The following MYO5C variants were observed in gnomAD, a reference collection of about 807,000 sequenced individuals.
MYO5C encodes the protein myosin VC, also known as unconventional myosin-Vc.
MYO5C carries 194 observed loss-of-function variants against 235.7 expected under a neutral mutation model. The observed-to-expected ratio is 0.82, with a 90% CI of 0.73 to 0.93. MYO5C has a LOEUF of 0.93. Ranked by LOEUF, MYO5C falls within the 40% of genes least tolerant of loss-of-function variation. The pLI, the probability that MYO5C is intolerant of heterozygous loss-of-function variation, is 0.00. For synonymous variants in MYO5C, 707 were observed against 754.8 expected (o/e 0.94, Z 1.04); for missense variants, 2,038 against 2,127.2 (o/e 0.96, Z 0.82).
intron 1 of MYO5C, among the ~76,000 whole-genome samples, chr15:52,283,690 T>C (rs764652414): frequency 2.0e-5 from 3 of 152,152 alleles, no homozygotes; most frequent in Non-Finnish European, 4.4e-5. Context: ...TTTTTTTTTT[T>C]TTGAGATGGA....
chr15:52,239,242 C>T (rs149290740), intron 21 of MYO5C, among the ~76,000 whole-genome samples: 2,543 of 152,332 alleles, frequency 0.017, 30 homozygotes, highest in Non-Finnish European at 0.024. Context: ...TCAGCCACCA[C>T]GCCCGGCCTT....
At chr15:52,291,545 T>G (rs1258903017) in intron 1 of MYO5C, among the ~76,000 whole-genome samples, 2 of 151,924 alleles carry the variant, frequency 1.3e-5, no homozygotes. Flanking sequence ...ATGTCAGACT[T>G]TCCCTTTCCC....
intron 3 of MYO5C, 38 bp from the exon 4 acceptor site, chr15:52,279,055 C>G: frequency 6.4e-7 from 1 of 1,566,456 alleles, no homozygotes; most frequent in Admixed American, 1.9e-5. Context: ...AATACTCTTA[C>G]TGCCACCTGC....
chr15:52,295,549 G>C (rs2037484002), intron 1 of MYO5C, 61 bp downstream of exon 1: 19 of 1,491,166 alleles, frequency 1.3e-5, no homozygotes, highest in Non-Finnish European at 1.6e-5. Flanking sequence ...GCCAGGTCGA[G>C]TCAGCGTTAG....
chr15:52,236,065 C>T (rs1472604301), intron 22 of MYO5C, among the ~76,000 whole-genome samples: 1 of 152,218 alleles, frequency 6.6e-6, no homozygotes, highest in African/African-American at 2.4e-5. Context: ...TTTTGTCGAG[C>T]TTCTCAATAG....
At chr15:52,248,641 T>C in intron 14 of MYO5C, 59 bp downstream of exon 14, 1 of 1,179,006 alleles carries the variant, frequency 8.5e-7, no homozygotes, top group Non-Finnish European at 1.3e-6. Context: ...TTTCCTTATA[T>C]ACATCTAGAT....
chr15:52,249,599 G>A (rs4776028), intron 13 of MYO5C, among the ~76,000 whole-genome samples: 100,114 of 152,060 alleles, frequency 0.66, 36,526 homozygotes, highest in Non-Finnish European at 0.82. Context: ...CGGTAGGTAG[G>A]TTAAGATCCA....
Position 52,244,448 on chromosome 15 carries a change from G to A in MYO5C, c.2298C>T (p.His766=). 1.2e-6 allele frequency: 2 copies of A among 1,614,176 alleles called. No individual in the cohort carries two copies. Among genetic ancestry groups the A allele is most frequent in the Non-Finnish European group, 1.7e-6 (2 of 1,180,040 alleles). The part of the protein sequence containing the change: ...LRQSCVMVQK[H]MRGWLQRKKF... ...TTTTCCTCTGGAGCCAGCCACGCAT[G>A]TGCTTTTGTACCATAACACAACTCT... Residue 766 remains histidine, a synonymous_variant, in exon 19 of 41, where the codon CAC becomes CAT. Transcript: ENST00000261839.
chr15:52,278,775 A>G, intron 4 of MYO5C, 98 bp downstream of exon 4: 1 of 1,462,860 alleles, frequency 6.8e-7, no homozygotes, highest in Non-Finnish European at 9.3e-7. Flanking sequence ...ATCTCTTTTA[A>G]TGAGCCCAAC....
chr15:52,295,776 C>T lies in MYO5C; in HGVS notation c.-140G>A, dbSNP rs1453531496. 1.9e-6 allele frequency: 1 copy of T among 519,560 alleles called. No homozygotes were observed. Among genetic ancestry groups the T allele is most frequent in the Non-Finnish European group, 3.1e-6 (1 of 320,432 alleles). The allele number at this position is 519,560 out of a possible 1,614,324, so 32.2% of individuals were successfully genotyped here. Reference sequence around the variant, plus strand: ...CATCTTGCCCAAAGTTTTCCAACGGCCTCCTGTTCCCGTTCCCGAGTTGGC... The same window carrying T: ...CATCTTGCCCAAAGTTTTCCAACGGTCTCCTGTTCCCGTTCCCGAGTTGGC... On this transcript the variant is annotated 5_prime_UTR_variant, in exon 1 of 41. Transcript: ENST00000261839.
chr15:52,276,617 A>G (rs1335684863), intron 4 of MYO5C, among the ~76,000 whole-genome samples: 26 of 152,318 alleles, frequency 1.7e-4, no homozygotes, highest in Admixed American at 1.7e-3. Flanking sequence ...GAGGCTAGCC[A>G]TGGGCCACCT....
In MYO5C at chr15:52,214,603, C is replaced by T. The variant is rs776031787; in HGVS notation, c.4042G>A (p.Ala1348Thr). The T allele has an allele frequency of 1.0e-5, 16 of 1,595,724 alleles. No homozygotes were observed. The highest frequency in any genetic ancestry group is 1.7e-4 in the Middle Eastern group (1 of 5,990). The change falls in exon 33 of 41, where the codon GCC (alanine) becomes ACC (threonine). Residue 1348 changes from alanine to threonine, a missense_variant and splice_region_variant. By Grantham distance (58) the Ala-to-Thr change is moderately conservative. Coordinates refer to ENST00000261839, the MANE Select transcript of MYO5C (RefSeq NM_018728.4). ...TAAGAAAACAAGTATTGTTTCTTAC[C>T]TTTTCCAATTGTCTTGCTTAGTGTC... ...VKTLSKTIGK[A>T]NDVHSSSGPK...
chr15:52,225,267 C>A, intron 26 of MYO5C, 129 bp from the exon 27 acceptor site: 1 of 1,123,608 alleles, frequency 8.9e-7, no homozygotes. Flanking sequence ...ATCCAATCAA[C>A]CAACTAACCA....
At chr15:52,229,970 C>T (rs1304410351) in intron 24 of MYO5C, among the ~76,000 whole-genome samples, 2 of 151,936 alleles carry the variant, frequency 1.3e-5, no homozygotes, top group South Asian at 2.1e-4. Context: ...TTTCCTTCAG[C>T]GAATACCTTG....
chr15:52,282,954 G>A lies in MYO5C; in HGVS notation c.28-62C>T, dbSNP rs576715692. The stretch of plus-strand genomic sequence containing the variant: ...TTCCAAAATTATGGATCAATGCATG[G>A]TTAGACACAGGAAGGTTTCTTTCTG... On this transcript the variant is annotated intron_variant, in intron 1 of 40. Coordinates refer to ENST00000261839, the MANE Select transcript of MYO5C (RefSeq NM_018728.4). 1.8e-5 allele frequency: 19 copies of A among 1,037,650 alleles called. No homozygotes were observed. In the Admixed American group the frequency reaches 2.0e-4, roughly 11 times the overall value. 64.3% of individuals were successfully genotyped at this position (1,037,650 alleles called of 1,614,324 possible).
chr15:52,266,979 G>A (rs867244964), intron 8 of MYO5C, among the ~76,000 whole-genome samples: 2 of 152,206 alleles, frequency 1.3e-5, no homozygotes, highest in Middle Eastern at 3.2e-3. Context: ...CAAAACTCCA[G>A]AGGGCTTTGT....
chr15:52,235,935 A>G (rs1419208534), intron 22 of MYO5C, among the ~76,000 whole-genome samples, 172 bp from the exon 23 acceptor site: 1 of 152,166 alleles, frequency 6.6e-6, no homozygotes, highest in East Asian at 1.9e-4. Context: ...CATTTGTTTC[A>G]CATGCAAGAG....
chr15:52,294,177 A>C (rs2037450589), intron 1 of MYO5C, among the ~76,000 whole-genome samples: 1 of 152,338 alleles, frequency 6.6e-6, no homozygotes, highest in East Asian at 1.9e-4. Flanking sequence ...GGGTGCTTGC[A>C]CCTGTGTGTT....
intron 25 of MYO5C, among the ~76,000 whole-genome samples, chr15:52,228,059 C>A (rs1238196322): frequency 6.6e-6 from 1 of 152,250 alleles, no homozygotes; most frequent in South Asian, 2.1e-4. Context: ...TGGATCATTA[C>A]TTCATCCATT....
Sources: gnomAD v4.1 joint callset for allele counts (sites outside exome capture counted in the v4.1 genomes callset) on GRCh38, gnomAD v4.1.1 for gene constraint, MANE v1.5 for transcripts, NCBI Gene and HGNC (gene_info 2026-07-23, HGNC 2026-07-21) for gene names.